The following STXBP4 variants were observed in gnomAD, a reference collection of about 807,000 sequenced individuals.
STXBP4 encodes the protein syntaxin binding protein 4, also known as syntaxin-binding protein 4.
In STXBP4, 55 loss-of-function variants were observed where a neutral mutation model predicts 76.1. That is an observed-to-expected ratio of 0.72 (90% CI 0.58 to 0.91). The LOEUF is 0.91. Ranked by LOEUF, STXBP4 falls within the 40% of genes least tolerant of loss-of-function variation. STXBP4 has a pLI of 0.00. For synonymous variants in STXBP4, 201 were observed against 220.2 expected, an observed-to-expected ratio of 0.91 and a Z score of 0.77; for missense variants, 618 against 636.9, an observed-to-expected ratio of 0.97 and a Z score of 0.32.
At chr17:55,126,257 G>A (rs1184073301) in intron 16 of STXBP4, among the ~76,000 whole-genome samples, 2 of 152,110 alleles carry the variant, frequency 1.3e-5, no homozygotes, top group African/African-American at 4.8e-5. Flanking sequence ...ACAGTCAACA[G>A]ATGCCAACCT....
chr17:55,001,532 A>C (rs1009110262), intron 7 of STXBP4, among the ~76,000 whole-genome samples: 1 of 152,186 alleles, frequency 6.6e-6, no homozygotes, highest in African/African-American at 2.4e-5. Context: ...AACAATGATA[A>C]AAAGACTAAA....
At chr17:55,014,979 G>A (rs1005150971) in intron 8 of STXBP4, among the ~76,000 whole-genome samples, 4 of 151,798 alleles carry the variant, frequency 2.6e-5, no homozygotes, top group Admixed American at 6.6e-5. Flanking sequence ...TAAAAAAACC[G>A]AAGTTGCCAA....
chr17:55,184,731 A>C, the STXBP4 span, among the ~76,000 whole-genome samples: 1 of 152,132 alleles, frequency 6.6e-6, no homozygotes, highest in Admixed American at 6.5e-5. Flanking sequence ...CTAACTAATA[A>C]ATGTTTTCTT....
chr17:55,032,110 A>T (rs2078519151), intron 9 of STXBP4, among the ~76,000 whole-genome samples: 1 of 152,142 alleles, frequency 6.6e-6, no homozygotes, highest in African/African-American at 2.4e-5. Flanking sequence ...TTTTTCAGAG[A>T]TATTTTGCAC....
chr17:55,204,635 G>T, the STXBP4 span, among the ~76,000 whole-genome samples: 3 of 151,924 alleles, frequency 2.0e-5, no homozygotes, highest in Non-Finnish European at 2.9e-5. Context: ...CCCTTGGTGG[G>T]CCCTGATCTC....
intron 16 of STXBP4, among the ~76,000 whole-genome samples, chr17:55,099,473 A>G (rs1207614163): frequency 1.3e-5 from 2 of 152,236 alleles, no homozygotes; most frequent in South Asian, 2.1e-4. Flanking sequence ...TCAAGTATGT[A>G]TAGCAGAAAC....
rs915254316 is a variant in STXBP4, at chr17:55,164,520, G to C, written c.*4609G>C. On this transcript the variant is annotated 3_prime_UTR_variant, in exon 18 of 18. Coordinates refer to ENST00000376352, the MANE Select transcript of STXBP4 (RefSeq NM_178509.6). Reference sequence around the variant, plus strand: ...CTGCGGACTGCAGCGGCGCAATCTCGGCTCACTGCAAGCTCCGCTTCCCGG... The same window carrying C: ...CTGCGGACTGCAGCGGCGCAATCTCCGCTCACTGCAAGCTCCGCTTCCCGG... 7.6e-6 allele frequency: 1 copy of C among 132,232 alleles called. No individual in the cohort carries two copies. Among genetic ancestry groups the C allele is most frequent in the Non-Finnish European group, 1.6e-5 (1 of 64,464 alleles). 8.2% of individuals were successfully genotyped at this position (132,232 alleles called of 1,614,324 possible).
chr17:55,173,875 A>G (rs1409790160), downstream of STXBP4, among the ~76,000 whole-genome samples: 1 of 152,194 alleles, frequency 6.6e-6, no homozygotes, highest in Non-Finnish European at 1.5e-5. Flanking sequence ...GAGAGAATCC[A>G]TTTAGGTTCA....
At chr17:55,115,847 T>C (rs1434742853) in intron 16 of STXBP4, among the ~76,000 whole-genome samples, 1 of 151,876 alleles carries the variant, frequency 6.6e-6, no homozygotes, top group African/African-American at 2.4e-5. Flanking sequence ...TCTAGGGTTA[T>C]TTTTCAAATG....
intron 9 of STXBP4, among the ~76,000 whole-genome samples, chr17:55,033,487 G>A (rs1049549625): frequency 1.3e-5 from 2 of 152,124 alleles, no homozygotes; most frequent in African/African-American, 4.8e-5. Context: ...GTAGGATATT[G>A]TAAAACAGGA....
intron 16 of STXBP4, among the ~76,000 whole-genome samples, chr17:55,090,197 G>A (rs547021479): frequency 3.3e-5 from 5 of 152,072 alleles, no homozygotes; most frequent in African/African-American, 1.2e-4. Context: ...GTGAGTCAGT[G>A]GCATTTGTTG....
chr17:54,984,720 T>C (rs1054052116), intron 1 of STXBP4, among the ~76,000 whole-genome samples: 19 of 152,162 alleles, frequency 1.2e-4, no homozygotes, highest in African/African-American at 4.1e-4. Context: ...AATCAGTTGC[T>C]GATGTGCTGA....
At chr17:55,055,452 C>G (rs775112329) in intron 12 of STXBP4, among the ~76,000 whole-genome samples, 72 of 152,216 alleles carry the variant, frequency 4.7e-4, no homozygotes, top group Non-Finnish European at 1.0e-4. Context: ...AAGCCGCCAT[C>G]AGGTCCCACC....
At chr17:55,007,237 G>A (rs2078025017) in intron 7 of STXBP4, among the ~76,000 whole-genome samples, 2 of 151,818 alleles carry the variant, frequency 1.3e-5, no homozygotes, top group Non-Finnish European at 2.9e-5. Flanking sequence ...TACTTGGGAG[G>A]CTGAGGCAGG....
chr17:55,047,969 AAGAGT>A (rs2078811752), intron 12 of STXBP4, among the ~76,000 whole-genome samples: 1 of 151,890 alleles, frequency 6.6e-6, no homozygotes, highest in Non-Finnish European at 1.5e-5. Context: ...TTCTGAAATA[AAGAGT>A]AGAGAGAAAC....
chr17:55,182,028 C>CA, the STXBP4 span, among the ~76,000 whole-genome samples: 34 of 152,136 alleles, frequency 2.2e-4, 1 homozygote, highest in Non-Finnish European at 4.7e-4. Context: ...CAATATAACT[C>CA]AAAGATTCTA....
intron 12 of STXBP4, among the ~76,000 whole-genome samples, chr17:55,061,779 T>C (rs1444287115): frequency 6.6e-6 from 1 of 152,228 alleles, no homozygotes. Context: ...AATAATTCCC[T>C]TGGGATTCGT....
At chr17:55,061,083 T>A (rs996953919) in intron 12 of STXBP4, among the ~76,000 whole-genome samples, 10 of 152,136 alleles carry the variant, frequency 6.6e-5, no homozygotes, top group African/African-American at 2.4e-4. Context: ...GAGCATGAAG[T>A]CCTGAGGCAG....
intron 4 of STXBP4, among the ~76,000 whole-genome samples, chr17:54,998,048 A>G (rs528724863): frequency 3.3e-5 from 5 of 152,134 alleles, no homozygotes; most frequent in South Asian, 4.2e-4. Flanking sequence ...TTTTATGTCA[A>G]TTTTGTTGTT....
Sources: gnomAD v4.1 joint callset for allele counts (sites outside exome capture counted in the v4.1 genomes callset) on GRCh38, gnomAD v4.1.1 for gene constraint, MANE v1.5 for transcripts, NCBI Gene and HGNC (gene_info 2026-07-23, HGNC 2026-07-21) for gene names.